ZFHX3: variants seen among roughly 807,000 people sequenced by gnomAD.
ZFHX3 encodes zinc finger homeobox protein 3.
A neutral mutation model predicts 279.1 loss-of-function variants in ZFHX3; 42 were observed. The observed-to-expected ratio is 0.15, with a 90% CI of 0.12 to 0.19. ZFHX3 has a LOEUF of 0.19. ZFHX3 is among the 10% of genes least tolerant of loss of function. The pLI is 1.00. For synonymous variants in ZFHX3, 2,293 were observed against 1,957.8 expected, an observed-to-expected ratio of 1.17 and a Z score of -4.52; for missense variants, 4,981 against 4,754.0, an observed-to-expected ratio of 1.05 and a Z score of -1.40.
At chr16:73,591,311 G>A (rs2051992743) in intron 2 of ZFHX3, among the ~76,000 whole-genome samples, 1 of 151,566 alleles carries the variant, frequency 6.6e-6, no homozygotes, top group Non-Finnish European at 1.5e-5. Flanking sequence ...CAAGATGGCA[G>A]CACCGCACTC....
intron 1 of ZFHX3, among the ~76,000 whole-genome samples, chr16:73,870,728 A>C (rs562663542): frequency 1.5e-4 from 23 of 152,100 alleles, no homozygotes; most frequent in Non-Finnish European, 3.1e-4. Flanking sequence ...GGAAGTGTTG[A>C]AGTTTGTTGT....
At chr16:73,869,022 G>T (rs900722277) in intron 1 of ZFHX3, among the ~76,000 whole-genome samples, 2 of 152,074 alleles carry the variant, frequency 1.3e-5, no homozygotes, top group African/African-American at 2.4e-5. Context: ...ATTTAAACTA[G>T]GAGGAAAGGT....
rs985385124 is a variant in ZFHX3 at position 73,350,748 on chromosome 16, C to T, written c.-1290-32412G>A. 5.9e-5 allele frequency among the ~76,000 whole-genome samples: 9 copies of T among 152,322 alleles called. No individual in the cohort carries two copies. The South Asian group carries it at 1.5e-3, about 25-fold the overall frequency. On this transcript the variant is annotated intron_variant, in intron 3 of 17. Coordinates refer to the ZFHX3 transcript ENST00000641206. ...TGGCTGCTGTTTATGGTCCTGGTGG[C>T]TAGAGGCATTGCTACTCAAGGGACA...
chr16:72,793,116 A>G lies in ZFHX3; in HGVS notation c.9427+139T>C, dbSNP rs2035769274. The G allele has an allele frequency of 1.4e-6, 2 of 1,435,182 alleles. No homozygotes were observed. The highest frequency in any genetic ancestry group is 1.4e-5 in the African/African-American group (1 of 70,160). The allele number at this position is 1,435,182 out of a possible 1,614,324, so 88.9% of individuals were successfully genotyped here. ...GGGAGACTCAACAGGAACGAACTGA[A>G]GTCTTGTTGCTTTTAAAGAACTAGA... On this transcript the variant is annotated intron_variant, in intron 9 of 9. Transcript: ENST00000268489. The surrounding 1 kb of genome is among the most constrained non-coding windows in gnomAD (Gnocchi z 4.3).
chr16:73,800,374 G>T, intron 1 of ZFHX3, among the ~76,000 whole-genome samples: 1 of 151,800 alleles, frequency 6.6e-6, no homozygotes, highest in East Asian at 1.9e-4. Context: ...CACACCACCC[G>T]CCTGGCTAAT....
intron 3 of ZFHX3, among the ~76,000 whole-genome samples, chr16:73,435,835 G>T (rs1032041040): frequency 6.6e-6 from 1 of 152,196 alleles, no homozygotes; most frequent in Non-Finnish European, 1.5e-5. Context: ...GGGGTCAGGG[G>T]TATCTGCTGC....
intron 2 of ZFHX3, among the ~76,000 whole-genome samples, chr16:73,495,115 A>G (rs186820954): frequency 6.6e-6 from 1 of 152,218 alleles, no homozygotes; most frequent in Non-Finnish European, 1.5e-5. Context: ...TGTTTCTAAT[A>G]ATTGTGATGG....
intron 5 of ZFHX3, among the ~76,000 whole-genome samples, chr16:73,210,011 T>A (rs1467459498): frequency 6.6e-6 from 1 of 152,116 alleles, no homozygotes; most frequent in Admixed American, 6.5e-5. Context: ...GTAAATAACT[T>A]TGGGGGTTCA....
intron 1 of ZFHX3, among the ~76,000 whole-genome samples, chr16:73,865,980 G>A (rs146682205): frequency 5.1e-4 from 77 of 151,948 alleles, no homozygotes; most frequent in South Asian, 2.7e-3. Flanking sequence ...GCAAGACTCC[G>A]TCTCAAACAA....
rs1391454506 is a variant in ZFHX3, at chr16:73,188,898, C to T, written c.-1103-45067G>A. Reference sequence around the variant, plus strand: ...TTTTTTTTTGAGATGGAGTCTTGCTCTTTTGCCCAGGCTGGAGTGCAGTGG... The same window carrying T: ...TTTTTTTTTGAGATGGAGTCTTGCTTTTTTGCCCAGGCTGGAGTGCAGTGG... On this transcript the variant is annotated intron_variant, in intron 5 of 17. Coordinates refer to the ZFHX3 transcript ENST00000641206. Among the ~76,000 whole-genome samples the T allele has an allele frequency of 4.9e-4, 71 of 145,246 alleles. 1 individual carries two copies. Among genetic ancestry groups the T allele is most frequent in the Non-Finnish European group, 4.8e-4 (32 of 66,834 alleles).
chr16:72,965,886 G>A (rs1004097938), intron 1 of ZFHX3, among the ~76,000 whole-genome samples: 1 of 152,194 alleles, frequency 6.6e-6, no homozygotes, highest in African/African-American at 2.4e-5. Flanking sequence ...TGTAGGTCCA[G>A]TAAGAAAACC....
intron 8 of ZFHX3, among the ~76,000 whole-genome samples, chr16:73,066,439 T>C (rs1965754313): frequency 6.6e-6 from 1 of 152,126 alleles, no homozygotes; most frequent in South Asian, 2.1e-4. Flanking sequence ...TTTTTTTTCC[T>C]GCGGGCTCTG....
intron 2 of ZFHX3, among the ~76,000 whole-genome samples, chr16:73,489,688 C>T (rs1226269893): frequency 6.6e-6 from 1 of 152,150 alleles, no homozygotes; most frequent in East Asian, 1.9e-4. Context: ...AAAATAATCT[C>T]TCCTTACTTT....
intron 1 of ZFHX3, among the ~76,000 whole-genome samples, chr16:73,741,349 C>T (rs1055543311): frequency 3.9e-5 from 6 of 152,148 alleles, no homozygotes; most frequent in Non-Finnish European, 5.9e-5. Flanking sequence ...AATGCTAAGA[C>T]GTGAAGTCTC....
intron 1 of ZFHX3, among the ~76,000 whole-genome samples, chr16:73,038,802 T>C (rs1965005839): frequency 1.3e-5 from 2 of 151,126 alleles, no homozygotes; most frequent in South Asian, 4.2e-4. Context: ...ATTATTATTA[T>C]TATTATTATT....
At chr16:73,361,224 C>G (rs1034528499) in intron 3 of ZFHX3, among the ~76,000 whole-genome samples, 1 of 152,214 alleles carries the variant, frequency 6.6e-6, no homozygotes, top group Non-Finnish European at 1.5e-5. Context: ...CCTTGTTTGC[C>G]TCCTCCCATA....
intron 3 of ZFHX3, among the ~76,000 whole-genome samples, chr16:72,892,363 T>A (rs950243821): frequency 6.6e-6 from 1 of 152,134 alleles, no homozygotes; most frequent in Non-Finnish European, 1.5e-5. Flanking sequence ...ATGCAGCACC[T>A]TGGACAAAGC....
Position 73,806,606 on chromosome 16 carries a change from G to A in ZFHX3, c.-1608+85045C>T, listed in dbSNP as rs185556515. ...GCCAATAACACTGGTTGGTGGGGGG[G>A]GTCAAGTAAATCAAATGAGCCCCAA... On this transcript the variant is annotated intron_variant, in intron 1 of 17. Transcript: ENST00000641206. 3.0e-3 allele frequency among the ~76,000 whole-genome samples: 458 copies of A among 152,122 alleles called. 1 individual carries two copies. Among genetic ancestry groups the A allele is most frequent in the African/African-American group, 0.011 (442 of 41,510 alleles).
chr16:73,368,208 C>A (rs1255410097), intron 3 of ZFHX3, among the ~76,000 whole-genome samples: 1 of 152,138 alleles, frequency 6.6e-6, no homozygotes, highest in Non-Finnish European at 1.5e-5. Context: ...CTTTTATCAC[C>A]CAGGCTGTTG....
Sources: allele counts gnomAD v4.1 joint callset (sites outside exome capture counted in the v4.1 genomes callset), GRCh38; gene constraint gnomAD v4.1.1; non-coding constraint Gnocchi (gnomAD v3.1); transcripts MANE v1.5; gene names NCBI Gene and HGNC (gene_info 2026-07-23, HGNC 2026-07-21).